RGS6: variants seen among roughly 807,000 people sequenced by gnomAD.
RGS6 encodes the protein regulator of G-protein signaling 6.
A neutral mutation model predicts 78.5 loss-of-function variants in RGS6; 30 were observed. That is an observed-to-expected ratio of 0.38 (90% CI 0.29 to 0.52). RGS6 has a LOEUF of 0.52. RGS6 is among the 20% of genes least tolerant of loss of function. The probability of loss-of-function intolerance (pLI) is 0.85; values close to 1 mark genes in which losing one functional copy is unlikely to be tolerated. For missense variants in RGS6, 495 were observed against 609.7 expected (o/e 0.81, Z 1.98); for synonymous variants, 206 against 206.0 (o/e 1.00, Z 0.00).
intron 3 of RGS6, among the ~76,000 whole-genome samples, chr14:72,433,693 G>A (rs974277350): frequency 4.6e-5 from 7 of 151,988 alleles, no homozygotes; most frequent in South Asian, 2.1e-4. Flanking sequence ...CCCTCCTTCC[G>A]AGTGTACAAG....
At chr14:72,115,142 G>C (rs2095857627) in intron 2 of RGS6, among the ~76,000 whole-genome samples, 1 of 152,188 alleles carries the variant, frequency 6.6e-6, no homozygotes, top group South Asian at 2.1e-4. Context: ...CTCGGAATAT[G>C]GAAGGGCATG....
At chr14:72,016,514 T>C (rs909972428) in intron 2 of RGS6, among the ~76,000 whole-genome samples, 39 of 152,250 alleles carry the variant, frequency 2.6e-4, no homozygotes, top group African/African-American at 7.9e-4. Context: ...TACAGGTGCC[T>C]GCCACCACGC....
intron 6 of RGS6, among the ~76,000 whole-genome samples, chr14:72,464,513 A>C (rs1164615202): frequency 6.6e-6 from 1 of 152,214 alleles, no homozygotes; most frequent in Non-Finnish European, 1.5e-5. Context: ...GAACAAATGA[A>C]GGAAGTTGGT....
At chr14:72,237,846 G>C (rs2051551833) in intron 2 of RGS6, among the ~76,000 whole-genome samples, 1 of 152,104 alleles carries the variant, frequency 6.6e-6, no homozygotes, top group South Asian at 2.1e-4. Flanking sequence ...GCGACCTCTG[G>C]AGCCCTCGAG....
the RGS6 span, among the ~76,000 whole-genome samples, chr14:72,585,584 A>G: frequency 6.6e-6 from 1 of 152,182 alleles, no homozygotes; most frequent in Admixed American, 6.5e-5. Context: ...TAGCTTTTAC[A>G]CCCAAATGTT....
rs2097114317 is a variant in RGS6 at position 72,526,144 on chromosome 14, C to G, written c.1278+7607C>G. Among the ~76,000 whole-genome samples the G allele has an allele frequency of 2.6e-5, 4 of 151,512 alleles. No homozygotes were observed. In the South Asian group the frequency reaches 8.4e-4, roughly 32 times the overall value. On this transcript the variant is annotated intron_variant, in intron 15 of 17. Coordinates refer to ENST00000553525, the MANE Select transcript of RGS6 (RefSeq NM_001204424.2). The stretch of plus-strand genomic sequence containing the variant: ...TTTGAGAAGGAATCTTGCTCTGTCA[C>G]CCAGGCTGGTGTGTGGTGGCACAAT...
chr14:72,431,616 CAAGTG>C (rs2094644154), intron 3 of RGS6, among the ~76,000 whole-genome samples: 1 of 151,966 alleles, frequency 6.6e-6, no homozygotes, highest in Non-Finnish European at 1.5e-5. Flanking sequence ...CTCTTGGCCT[CAAGTG>C]AAGTGCCCAC....
At chr14:72,186,479 G>C (rs1241029284) in intron 2 of RGS6, among the ~76,000 whole-genome samples, 3 of 152,174 alleles carry the variant, frequency 2.0e-5, no homozygotes, top group Non-Finnish European at 2.9e-5. Context: ...GAGGTCTTCT[G>C]CTAAGCATCT....
intron 2 of RGS6, among the ~76,000 whole-genome samples, chr14:72,052,965 C>A (rs998447848): frequency 9.5e-4 from 42 of 44,066 alleles, no homozygotes; most frequent in African/African-American, 6.3e-3. Context: ...TTCTTTCTTT[C>A]TTTCTTTCTT....
At chr14:72,539,572 C>T (rs758712179) in intron 16 of RGS6, among the ~76,000 whole-genome samples, 10 of 152,214 alleles carry the variant, frequency 6.6e-5, no homozygotes, top group Admixed American at 1.3e-4. Context: ...CCCTTCCTGA[C>T]GTCCCTCCCA....
intron 2 of RGS6, among the ~76,000 whole-genome samples, chr14:72,014,540 T>G (rs2086559599): frequency 6.6e-6 from 1 of 152,080 alleles, no homozygotes; most frequent in Non-Finnish European, 1.5e-5. Flanking sequence ...GGGCAGAGAG[T>G]GCTGGTTTTG....
chr14:72,437,846 G>A (rs1370384453), intron 3 of RGS6, among the ~76,000 whole-genome samples: 3 of 152,166 alleles, frequency 2.0e-5, no homozygotes, highest in South Asian at 2.1e-4. Context: ...TGGAAGCAGC[G>A]TCCCCTGCTC....
At chr14:72,471,523 A>G (rs2096075835) in intron 8 of RGS6, among the ~76,000 whole-genome samples, 1 of 152,214 alleles carries the variant, frequency 6.6e-6, no homozygotes, top group Admixed American at 6.5e-5. Flanking sequence ...TCAGAGCAAC[A>G]TTCCTGGGCG....
Position 72,061,683 on chromosome 14 carries a change from A to G in RGS6, c.84+96808A>G, listed in dbSNP as rs192516139. On this transcript the variant is annotated intron_variant, in intron 2 of 17. Coordinates refer to ENST00000553525, the MANE Select transcript of RGS6 (RefSeq NM_001204424.2). ...ATGCATGATACCTTTAAAAAAGACC[A>G]ATTATGAGTTATCTTTTATTGTTCT... 3.0e-4 allele frequency among the ~76,000 whole-genome samples: 45 copies of G among 152,256 alleles called. No homozygotes were observed. The Middle Eastern group carries it at 0.01, about 35-fold the overall frequency.
chr14:72,234,671 A>C (rs1204147101), intron 2 of RGS6, among the ~76,000 whole-genome samples: 3 of 152,102 alleles, frequency 2.0e-5, no homozygotes, highest in African/African-American at 7.2e-5. Flanking sequence ...CACCACCACC[A>C]GTCCCAGCCG....
At chr14:72,168,222 A>G (rs1247840056) in intron 2 of RGS6, among the ~76,000 whole-genome samples, 1 of 152,096 alleles carries the variant, frequency 6.6e-6, no homozygotes, top group African/African-American at 2.4e-5. Flanking sequence ...CACCTGGTGC[A>G]CACTCAGGTG....
intron 2 of RGS6, among the ~76,000 whole-genome samples, chr14:72,073,327 A>G (rs1431153588): frequency 6.6e-6 from 1 of 152,232 alleles, no homozygotes; most frequent in Non-Finnish European, 1.5e-5. Flanking sequence ...CATAAATGAG[A>G]GTTAAGTTCC....
the RGS6 span, among the ~76,000 whole-genome samples, chr14:72,571,603 G>A: frequency 6.6e-6 from 1 of 152,116 alleles, no homozygotes. Context: ...AACGGTGCTG[G>A]AATAACTAAA....
Position 72,292,921 on chromosome 14 carries a change from G to A in RGS6, c.85-59174G>A, listed in dbSNP as rs1202070194. Among the ~76,000 whole-genome samples the A allele has an allele frequency of 2.0e-5, 3 of 152,170 alleles. 1 individual carries two copies. The highest frequency in any genetic ancestry group is 3.9e-4 in the East Asian group (2 of 5,194). Reference sequence around the variant, plus strand: ...AAGAACAATGTTACATTTTCTGAACGCATCACTTTTCCAACAGCTCTTGAT... The same window carrying A: ...AAGAACAATGTTACATTTTCTGAACACATCACTTTTCCAACAGCTCTTGAT... On this transcript the variant is annotated intron_variant, in intron 2 of 17. Coordinates refer to ENST00000553525, the MANE Select transcript of RGS6 (RefSeq NM_001204424.2).
Sources: allele counts gnomAD v4.1 joint callset (sites outside exome capture counted in the v4.1 genomes callset), GRCh38; gene constraint gnomAD v4.1.1; transcripts MANE v1.5; gene names NCBI Gene and HGNC (gene_info 2026-07-23, HGNC 2026-07-21).